CNRIP1: variants seen among roughly 807,000 people sequenced by gnomAD.
CNRIP1 encodes the protein cannabinoid receptor interacting protein 1, also known as CB1 cannabinoid receptor-interacting protein 1.
CNRIP1 carries 10 observed loss-of-function variants against 15.2 expected under a neutral mutation model. That is an observed-to-expected ratio of 0.66 (90% CI 0.41 to 1.12). The LOEUF (loss-of-function observed/expected upper bound fraction) is 1.12, where lower values mean the gene tolerates loss of function less well. Among genes scored for constraint, CNRIP1 ranks in the 50% most tolerant of loss-of-function variants. The pLI is 0.00. For synonymous variants in CNRIP1, 91 were observed against 83.2 expected (o/e 1.09, Z -0.51); for missense variants, 211 against 214.7 (o/e 0.98, Z 0.11).
At position 68,317,278 on chromosome 2, in the gene CNRIP1, G is replaced by A; in HGVS notation, c.209C>T (p.Pro70Leu). The A allele has an allele frequency of 1.9e-6, 3 of 1,614,044 alleles. No homozygotes were observed. Among genetic ancestry groups the A allele is most frequent in the Non-Finnish European group, 2.5e-6 (3 of 1,180,026 alleles). Residue 70 changes from proline to leucine, a missense_variant, in exon 2 of 3, where the codon CCA (proline) becomes CTA (leucine). By Grantham distance (98) the Pro-to-Leu change is moderately conservative. Transcript: ENST00000263655. ...AGGCTCTTTAGACTTCAGTTCCAGT[G>A]GGACAAGCACACCACCAATGGAAAT... Reference protein sequence around the residue: ...ENISIGGVLVPLELKSKEPDG... With the variant: ...ENISIGGVLVLLELKSKEPDG...
At chr2:68,311,315 A>G (rs933050269) in intron 2 of CNRIP1, among the ~76,000 whole-genome samples, 3 of 152,306 alleles carry the variant, frequency 2.0e-5, no homozygotes, top group African/African-American at 2.4e-5. Flanking sequence ...AAATATTTCA[A>G]AGCAAACAAG....
downstream of CNRIP1, among the ~76,000 whole-genome samples, chr2:68,292,241 AC>A (rs1671192185): frequency 1.3e-5 from 2 of 151,980 alleles, no homozygotes; most frequent in South Asian, 2.1e-4. Context: ...AAACAAAAAA[AC>A]AAACAAAAAA....
intron 2 of CNRIP1, among the ~76,000 whole-genome samples, chr2:68,294,748 C>T (rs1484129139): frequency 6.6e-6 from 1 of 152,238 alleles, no homozygotes; most frequent in Non-Finnish European, 1.5e-5. Context: ...ACTTATAAGT[C>T]AGGAGTCCAT....
At chr2:68,319,190 G>C (rs1204401976) in intron 1 of CNRIP1, 32 bp downstream of exon 1, 2 of 1,515,842 alleles carry the variant, frequency 1.3e-6, no homozygotes, top group African/African-American at 2.8e-5. Context: ...CCCCATGGGG[G>C]ACCCTGCTGC....
intron 2 of CNRIP1, among the ~76,000 whole-genome samples, chr2:68,305,292 G>A (rs1481405765): frequency 1.4e-4 from 21 of 145,376 alleles, no homozygotes; most frequent in Admixed American, 6.2e-4. Context: ...GTGTGTGTGT[G>A]TGTGTGTGTG....
Position 68,319,466 on chromosome 2 carries a change from G to A in CNRIP1, c.-66C>T. On this transcript the variant is annotated 5_prime_UTR_variant, in exon 1 of 3. Coordinates refer to ENST00000263655, the MANE Select transcript of CNRIP1 (RefSeq NM_015463.3). ...GGACAGCGCCGGCTGCGGCCGAGTGGCTGGAGCGCGAGGGGCGGAGAGGAA... is the reference window on the plus strand; with the variant it reads ...GGACAGCGCCGGCTGCGGCCGAGTGACTGGAGCGCGAGGGGCGGAGAGGAA... 1 of 1,419,118 alleles carries A rather than the reference G, an allele frequency of 7.0e-7. No individual in the cohort carries two copies. Among genetic ancestry groups the A allele is most frequent in the Non-Finnish European group, 9.2e-7 (1 of 1,082,890 alleles). 87.9% of individuals were successfully genotyped at this position (1,419,118 alleles called of 1,614,324 possible). A position where few individuals can be genotyped will look rare whatever the true frequency, so the allele number is the denominator to read the frequency against.
At chr2:68,287,769 C>T (rs1671066039) in intron 2 of CNRIP1, among the ~76,000 whole-genome samples, 1 of 152,224 alleles carries the variant, frequency 6.6e-6, no homozygotes, top group Non-Finnish European at 1.5e-5. Flanking sequence ...GAGGTCAGAT[C>T]CTATCATGTG....
downstream of CNRIP1, among the ~76,000 whole-genome samples, chr2:68,290,109 A>ACCT (rs1275497488): frequency 6.7e-6 from 1 of 148,870 alleles, no homozygotes; most frequent in Non-Finnish European, 1.5e-5. Context: ...GCTCACTGCA[A>ACCT]CCTCCTCCTC....
rs1212547685 is a variant in CNRIP1, at chr2:68,302,941, G to A, written c.331-8915C>T. ...GGCTCACTGCAGGCTCCGCCCCCCGGGGTTCACGCCATTCTCCTGCCTCAG... is the reference window on the plus strand; with the variant it reads ...GGCTCACTGCAGGCTCCGCCCCCCGAGGTTCACGCCATTCTCCTGCCTCAG... On this transcript the variant is annotated intron_variant, in intron 2 of 2. Coordinates refer to ENST00000263655, the MANE Select transcript of CNRIP1 (RefSeq NM_015463.3). Among the ~76,000 whole-genome samples the A allele has an allele frequency of 3.1e-5, 4 of 130,410 alleles. No individual in the cohort carries two copies. The East Asian group carries it at 7.8e-4, about 25-fold the overall frequency. The allele number at this position is 130,410 out of a possible 152,430, so 85.6% of individuals were successfully genotyped here.
At chr2:68,288,393 G>A (rs549116905), downstream of CNRIP1, among the ~76,000 whole-genome samples, 3 of 152,192 alleles carry the variant, frequency 2.0e-5, no homozygotes, top group Admixed American at 2.0e-4. Flanking sequence ...GCTGTGCAGT[G>A]GCAAGGAAAC....
intron 2 of CNRIP1, among the ~76,000 whole-genome samples, chr2:68,306,514 C>T (rs1048184436): frequency 6.6e-6 from 1 of 152,134 alleles, no homozygotes; most frequent in Non-Finnish European, 1.5e-5. Context: ...GGCACAGTGG[C>T]TCACGCCAGT....
At chr2:68,313,050 T>C (rs1462654669) in intron 2 of CNRIP1, among the ~76,000 whole-genome samples, 1 of 152,108 alleles carries the variant, frequency 6.6e-6, no homozygotes, top group African/African-American at 2.4e-5. Flanking sequence ...AAAATCTATA[T>C]AAAACACAAA....
intron 1 of CNRIP1, among the ~76,000 whole-genome samples, chr2:68,318,172 G>A (rs1408958086): frequency 6.6e-6 from 1 of 152,056 alleles, no homozygotes; most frequent in Non-Finnish European, 1.5e-5. Context: ...ACAAATAGAT[G>A]AATCAGGAGT....
chr2:68,304,210 G>A (rs1307886857), intron 2 of CNRIP1, among the ~76,000 whole-genome samples: 1 of 148,926 alleles, frequency 6.7e-6, no homozygotes. Context: ...CCAACATGGT[G>A]AAAACCCTGT....
chr2:68,314,569 A>C (rs1049867397), intron 2 of CNRIP1, among the ~76,000 whole-genome samples: 8 of 152,178 alleles, frequency 5.3e-5, no homozygotes, highest in African/African-American at 1.9e-4. Flanking sequence ...TCAGATTCTG[A>C]CCATCTATAT....
At chr2:68,313,895 T>A (rs1338309667) in intron 2 of CNRIP1, among the ~76,000 whole-genome samples, 9 of 152,294 alleles carry the variant, frequency 5.9e-5, no homozygotes, top group African/African-American at 1.7e-4. Flanking sequence ...CTTTATCTTA[T>A]ACTGTCTTTG....
chr2:68,311,264 T>G (rs968521718), intron 2 of CNRIP1, among the ~76,000 whole-genome samples: 4 of 152,030 alleles, frequency 2.6e-5, no homozygotes, highest in South Asian at 2.1e-4. Context: ...AAGAACTCTA[T>G]GAAGGGATCA....
At position 68,319,367 on chromosome 2, in the gene CNRIP1, TGGAGAGGCGCACGAGGCCC is replaced by T; in HGVS notation, c.15_33del (p.Gly6SerfsTer39). The T allele has an allele frequency of 6.3e-7, 1 of 1,586,558 alleles. No homozygotes were observed. The highest frequency in any genetic ancestry group is 8.6e-7 in the Non-Finnish European group (1 of 1,167,736). On this transcript the variant is annotated frameshift_variant, in exon 1 of 3. Coordinates refer to ENST00000263655, the MANE Select transcript of CNRIP1 (RefSeq NM_015463.3). LOFTEE classifies it high-confidence loss of function. Reference sequence around the variant, plus strand: ...TCATTAGGCTGGATGCGCAGCGCGATGGAGAGGCGCACGAGGCCCGGCAGGTCCCCCATGTCTGGGCGAG... The same window carrying T: ...TCATTAGGCTGGATGCGCAGCGCGATGGCAGGTCCCCCATGTCTGGGCGAG...
intron 2 of CNRIP1, among the ~76,000 whole-genome samples, chr2:68,300,787 A>C (rs186423789): frequency 3.9e-5 from 6 of 152,336 alleles, no homozygotes; most frequent in Admixed American, 2.0e-4. Context: ...ATTAGGAATG[A>C]AAAAGAGGAC....
Sources: gnomAD v4.1 joint callset for allele counts (sites outside exome capture counted in the v4.1 genomes callset) on GRCh38, gnomAD v4.1.1 for gene constraint, MANE v1.5 for transcripts, NCBI Gene and HGNC (gene_info 2026-07-23, HGNC 2026-07-21) for gene names.